ZNG1A: variants seen among roughly 807,000 people sequenced by gnomAD.
ZNG1A encodes the protein Zn regulated GTPase metalloprotein activator 1A.
the ZNG1A span, among the ~76,000 whole-genome samples, chr9:144,914 G>C: frequency 4.6e-5 from 7 of 151,684 alleles, no homozygotes; most frequent in East Asian, 1.2e-3. Flanking sequence ...CTCAAAAGAA[G>C]ACATTTATGC....
chr9:170,358 T>C, the ZNG1A span, among the ~76,000 whole-genome samples: 4 of 80,328 alleles, frequency 5.0e-5, no homozygotes, highest in African/African-American at 1.6e-4. Flanking sequence ...TGTATGAATG[T>C]GTGTGTGTGT....
At chr9:137,202 A>C in the ZNG1A span, among the ~76,000 whole-genome samples, 1 of 148,910 alleles carries the variant, frequency 6.7e-6, no homozygotes, top group East Asian at 2.0e-4. Context: ...TCTTCTACCA[A>C]AATAAAAAAT....
At chr9:143,014 T>G in the ZNG1A span, among the ~76,000 whole-genome samples, 2 of 144,638 alleles carry the variant, frequency 1.4e-5, no homozygotes, top group Middle Eastern at 3.4e-3. Context: ...AATCTCTGAA[T>G]AGACCAATAA....
chr9:146,055 A>G, the ZNG1A span: 12 of 1,362,388 alleles, frequency 8.8e-6, no homozygotes, highest in South Asian at 5.7e-5. Flanking sequence ...AACTATGGGG[A>G]AAAAAGGTAC....
chr9:157,692 C>T, the ZNG1A span, among the ~76,000 whole-genome samples: 3 of 133,148 alleles, frequency 2.3e-5, no homozygotes, highest in Non-Finnish European at 3.2e-5. Context: ...AGTAAAATGA[C>T]ATAATTTTAA....
the ZNG1A span, among the ~76,000 whole-genome samples, chr9:141,369 A>T: frequency 6.7e-6 from 1 of 148,666 alleles, no homozygotes; most frequent in Admixed American, 6.7e-5. Context: ...AAGCCAGAAG[A>T]GAGTGGGGGC....
the ZNG1A span, among the ~76,000 whole-genome samples, chr9:127,095 C>G: frequency 1.3e-5 from 2 of 152,098 alleles, no homozygotes; most frequent in Admixed American, 6.5e-5. Context: ...ATTTTGTTGG[C>G]TATCACATGG....
At chr9:167,604 C>T in the ZNG1A span, 1 of 149,972 alleles carries the variant, frequency 6.7e-6, no homozygotes, top group Non-Finnish European at 1.5e-5. Context: ...AGCAACAGTA[C>T]TGGTAATAAG....
the ZNG1A span, among the ~76,000 whole-genome samples, chr9:162,149 C>T: frequency 6.7e-6 from 1 of 148,956 alleles, no homozygotes. Flanking sequence ...GGGTTGAATC[C>T]TTGTGAAGAG....
the ZNG1A span, among the ~76,000 whole-genome samples, chr9:143,084 G>C: frequency 6.9e-6 from 1 of 145,154 alleles, no homozygotes; most frequent in African/African-American, 2.6e-5. Flanking sequence ...TCCAGGACCA[G>C]ATAGATTCAC....
chr9:127,007 T>G, the ZNG1A span, among the ~76,000 whole-genome samples: 1 of 152,156 alleles, frequency 6.6e-6, no homozygotes, highest in Admixed American at 6.5e-5. Context: ...CTTTTGGAGT[T>G]GATTTCCAGT....
chr9:169,014 T>C, the ZNG1A span, among the ~76,000 whole-genome samples: 4 of 152,090 alleles, frequency 2.6e-5, no homozygotes, highest in African/African-American at 9.7e-5. Context: ...AGGAGTAACT[T>C]TGACTTTTAA....
chr9:163,633 G>A, the ZNG1A span, among the ~76,000 whole-genome samples: 1 of 151,964 alleles, frequency 6.6e-6, no homozygotes, highest in Non-Finnish European at 1.5e-5. Context: ...AAAAACAAAA[G>A]AGGCAGGGTG....
the ZNG1A span, among the ~76,000 whole-genome samples, chr9:129,414 C>T: frequency 0.2 from 29,315 of 149,920 alleles, 3,317 homozygotes; most frequent in East Asian, 0.43. Flanking sequence ...ACACTAACAA[C>T]CACCTAAATG....
chr9:133,731 G>A, the ZNG1A span, among the ~76,000 whole-genome samples: 1 of 142,632 alleles, frequency 7.0e-6, no homozygotes, highest in Non-Finnish European at 1.5e-5. Context: ...ATGCGATTCT[G>A]ATTTATGCCC....
the ZNG1A span, among the ~76,000 whole-genome samples, chr9:170,309 A>T: frequency 1.3e-5 from 2 of 151,236 alleles, no homozygotes; most frequent in Non-Finnish European, 2.9e-5. Flanking sequence ...TGGCATAGAG[A>T]GATCCCTGGA....
At chr9:172,353 T>C in the ZNG1A span, 3 of 636,644 alleles carry the variant, frequency 4.7e-6, no homozygotes, top group East Asian at 5.7e-5. Context: ...GAGAAAACAA[T>C]AGATGCATAT....
At chr9:154,998 T>C in the ZNG1A span, among the ~76,000 whole-genome samples, 2 of 152,180 alleles carry the variant, frequency 1.3e-5, no homozygotes, top group South Asian at 4.1e-4. Context: ...TGTGGATGAA[T>C]TGTGTTCATT....
chr9:135,233 C>CA, the ZNG1A span, among the ~76,000 whole-genome samples: 1 of 150,402 alleles, frequency 6.6e-6, no homozygotes, highest in Non-Finnish European at 1.5e-5. Context: ...TTAAAAAAAA[C>CA]CACACATTCA....
Sources: gnomAD v4.1 joint callset for allele counts (sites outside exome capture counted in the v4.1 genomes callset) on GRCh38, gnomAD v4.1.1 for gene constraint, MANE v1.5 for transcripts, NCBI Gene and HGNC (gene_info 2026-07-23, HGNC 2026-07-21) for gene names.